Variants in PCDH15 observed in about 807,000 individuals in gnomAD.
PCDH15 encodes protocadherin related 15, also known as protocadherin-15.
Under a neutral mutation model 178.5 loss-of-function variants are expected in PCDH15, and 129 were observed. The observed-to-expected ratio is 0.72, with a 90% CI of 0.63 to 0.84. The LOEUF is 0.84. PCDH15 is among the 40% of genes least tolerant of loss of function. The pLI, the probability that PCDH15 is intolerant of heterozygous loss-of-function variation, is 0.00. For synonymous variants in PCDH15, 800 were observed against 732.0 expected, an observed-to-expected ratio of 1.09 and a Z score of -1.50; for missense variants, 2,230 against 2,099.9, an observed-to-expected ratio of 1.06 and a Z score of -1.21.
chr10:55,128,716 T>C (rs567370958), intron 2 of PCDH15, among the ~76,000 whole-genome samples: 1 of 152,142 alleles, frequency 6.6e-6, no homozygotes, highest in Admixed American at 6.5e-5. Context: ...TTAAATGCTA[T>C]GGGTAGCCAT....
intron 2 of PCDH15, among the ~76,000 whole-genome samples, chr10:54,943,325 C>T (rs1838109268): frequency 3.9e-5 from 6 of 151,922 alleles, no homozygotes; most frequent in Admixed American, 2.0e-4. Flanking sequence ...CTAACATTCT[C>T]TTCTGCTGTT....
At chr10:55,199,734 C>A (rs1212965518) in intron 1 of PCDH15, among the ~76,000 whole-genome samples, 1 of 152,034 alleles carries the variant, frequency 6.6e-6, no homozygotes, top group Non-Finnish European at 1.5e-5. Flanking sequence ...CTGCTCTTTG[C>A]AGCCTCAGGA....
intron 1 of PCDH15, among the ~76,000 whole-genome samples, chr10:55,249,681 G>A (rs908727147): frequency 1.1e-4 from 16 of 152,004 alleles, no homozygotes; most frequent in African/African-American, 3.9e-4. Context: ...ATATGTAGTA[G>A]TAATAATGTG....
At chr10:54,151,499 C>A (rs577008255) in intron 14 of PCDH15, among the ~76,000 whole-genome samples, 18 of 151,988 alleles carry the variant, frequency 1.2e-4, no homozygotes, top group Non-Finnish European at 2.2e-4. Flanking sequence ...GGGATTGTGC[C>A]GCTACACTCT....
At chr10:54,495,889 CTCT>C (rs1219043445) in intron 3 of PCDH15, among the ~76,000 whole-genome samples, 83 of 152,138 alleles carry the variant, frequency 5.5e-4, no homozygotes, top group Admixed American at 5.4e-3. Context: ...TGAATGTGCT[CTCT>C]TCTTAATAAA....
At position 55,291,874 on chromosome 10, in the gene PCDH15, G is replaced by T. The variant is rs1183152410; in HGVS notation, c.-156+27725C>A. Among the ~76,000 whole-genome samples, 4 of 152,160 alleles carry T rather than the reference G, an allele frequency of 2.6e-5. No individual in the cohort carries two copies. The South Asian group carries it at 8.3e-4, about 31-fold the overall frequency. On this transcript the variant is annotated intron_variant, in intron 1 of 5. Coordinates refer to the PCDH15 transcript ENST00000458638. ...GGATGGCAGCAGACAGAGAGAGTTTGTGCAGGGAAACTGCCCCCTATAAAA... is the reference window on the plus strand; with the variant it reads ...GGATGGCAGCAGACAGAGAGAGTTTTTGCAGGGAAACTGCCCCCTATAAAA...
intron 3 of PCDH15, among the ~76,000 whole-genome samples, chr10:54,502,401 C>A (rs2080777842): frequency 6.6e-6 from 1 of 152,066 alleles, no homozygotes. Flanking sequence ...TTTCTCTCTT[C>A]CTTAAATAGG....
chr10:54,601,731 C>T (rs1182474533), intron 2 of PCDH15, among the ~76,000 whole-genome samples: 1 of 151,966 alleles, frequency 6.6e-6, no homozygotes, highest in Non-Finnish European at 1.5e-5. Flanking sequence ...TATAAAGACA[C>T]ATGCCCACAT....
chr10:55,051,190 A>G (rs1259373712), intron 2 of PCDH15, among the ~76,000 whole-genome samples: 1 of 152,112 alleles, frequency 6.6e-6, no homozygotes, highest in African/African-American at 2.4e-5. Context: ...ATAATGATAT[A>G]TTAAAAATGC....
chr10:53,965,575 G>A (rs1019225299), intron 21 of PCDH15, among the ~76,000 whole-genome samples: 6 of 152,206 alleles, frequency 3.9e-5, no homozygotes, highest in Admixed American at 3.3e-4. Flanking sequence ...TTGAGCAAAA[G>A]TGCTTGGCAA....
At chr10:55,282,875 C>T (rs942733076) in intron 1 of PCDH15, among the ~76,000 whole-genome samples, 1 of 152,128 alleles carries the variant, frequency 6.6e-6, no homozygotes, top group Non-Finnish European at 1.5e-5. Context: ...TAACCAACCC[C>T]ATTTTGCTTC....
At chr10:55,569,060 C>T (rs528648202) in intron 2 of PCDH15, among the ~76,000 whole-genome samples, 9 of 151,988 alleles carry the variant, frequency 5.9e-5, no homozygotes, top group East Asian at 3.9e-4. Context: ...GGCAATAAGG[C>T]GACAAATCAC....
chr10:54,589,941 C>A (rs2091771840), intron 2 of PCDH15, among the ~76,000 whole-genome samples: 1 of 152,054 alleles, frequency 6.6e-6, no homozygotes, highest in African/African-American at 2.4e-5. Context: ...ACATGAAATT[C>A]TGTGTATTGG....
chr10:55,363,097 A>T (rs998765903), intron 2 of PCDH15, among the ~76,000 whole-genome samples: 5 of 152,200 alleles, frequency 3.3e-5, no homozygotes, highest in African/African-American at 1.2e-4. Context: ...AAAGAACTGG[A>T]GTCATTTCTT....
intron 21 of PCDH15, among the ~76,000 whole-genome samples, chr10:53,977,279 T>C (rs1207440536): frequency 6.6e-6 from 1 of 152,160 alleles, no homozygotes; most frequent in Non-Finnish European, 1.5e-5. Flanking sequence ...AATTATCTTG[T>C]GCCACACATA....
chr10:54,282,592 CT>C (rs917818968), intron 8 of PCDH15, among the ~76,000 whole-genome samples: 5 of 150,594 alleles, frequency 3.3e-5, no homozygotes, highest in East Asian at 2.0e-4. Flanking sequence ...TTTAAGATGT[CT>C]TTTTTTTTAA....
At chr10:54,514,464 C>G (rs753980011) in intron 3 of PCDH15, among the ~76,000 whole-genome samples, 18 of 151,426 alleles carry the variant, frequency 1.2e-4, no homozygotes, top group Non-Finnish European at 2.4e-4. Context: ...TTTTAGTCAA[C>G]TGAAAATCTA....
At chr10:53,988,141 G>T (rs2091232019) in intron 21 of PCDH15, among the ~76,000 whole-genome samples, 1 of 152,108 alleles carries the variant, frequency 6.6e-6, no homozygotes, top group Non-Finnish European at 1.5e-5. Flanking sequence ...AGCAGCTGCG[G>T]CAACTCAATA....
intron 2 of PCDH15, among the ~76,000 whole-genome samples, chr10:55,436,962 T>A (rs1207905394): frequency 6.6e-6 from 1 of 152,248 alleles, no homozygotes. Context: ...TCTTAATTTC[T>A]GAATTCTGTA....
Sources: gnomAD v4.1 joint callset for allele counts (sites outside exome capture counted in the v4.1 genomes callset) on GRCh38, gnomAD v4.1.1 for gene constraint, MANE v1.5 for transcripts, NCBI Gene and HGNC (gene_info 2026-07-23, HGNC 2026-07-21) for gene names.